RGS7: variants seen among roughly 807,000 people sequenced by gnomAD.
The protein encoded by RGS7 is regulator of G protein signaling 7.
In RGS7, 27 loss-of-function variants were observed where a neutral mutation model predicts 81.1. The observed-to-expected ratio is 0.33, with a 90% CI of 0.25 to 0.46. The LOEUF (loss-of-function observed/expected upper bound fraction) is 0.46. Ranked by LOEUF, RGS7 falls within the 20% of genes least tolerant of loss-of-function variation. RGS7 has a pLI of 1.00. For synonymous variants in RGS7, 208 were observed against 207.7 expected (o/e 1.00, Z -0.01); for missense variants, 396 against 607.4 (o/e 0.65, Z 3.66).
At chr1:240,844,275 C>T (rs2147895514) in intron 9 of RGS7, among the ~76,000 whole-genome samples, 1 of 152,200 alleles carries the variant, frequency 6.6e-6, no homozygotes, top group East Asian at 1.9e-4. Flanking sequence ...GGGTTAGATG[C>T]TCCCCTTCCC....
At chr1:241,131,885 G>A (rs189294273) in intron 2 of RGS7, among the ~76,000 whole-genome samples, 18 of 152,266 alleles carry the variant, frequency 1.2e-4, no homozygotes, top group Admixed American at 5.9e-4. Flanking sequence ...AAGACATTTC[G>A]TTAATGGTCT....
intron 2 of RGS7, among the ~76,000 whole-genome samples, chr1:241,155,739 G>A (rs2069077724): frequency 3.3e-5 from 5 of 151,856 alleles, no homozygotes; most frequent in Admixed American, 3.3e-4. Context: ...AAAAAAATAT[G>A]GAAAACAAAC....
intron 9 of RGS7, among the ~76,000 whole-genome samples, chr1:240,848,346 A>G (rs946057038): frequency 6.6e-6 from 1 of 152,188 alleles, no homozygotes; most frequent in African/African-American, 2.4e-5. Context: ...TCCTATTGTT[A>G]TCTTACATGA....
At chr1:240,952,505 T>A (rs1227164014) in intron 4 of RGS7, among the ~76,000 whole-genome samples, 9 of 151,872 alleles carry the variant, frequency 5.9e-5, no homozygotes, top group Admixed American at 5.9e-4. Flanking sequence ...ATAAGTACAA[T>A]TGATATGCTA....
At chr1:241,229,836 T>C (rs1304495729) in intron 2 of RGS7, among the ~76,000 whole-genome samples, 1 of 152,204 alleles carries the variant, frequency 6.6e-6, no homozygotes, top group African/African-American at 2.4e-5. Flanking sequence ...TTCATAAAAC[T>C]TATCTATGAA....
chr1:241,173,520 C>T (rs1237235168), intron 2 of RGS7, among the ~76,000 whole-genome samples: 1 of 152,146 alleles, frequency 6.6e-6, no homozygotes, highest in Non-Finnish European at 1.5e-5. Flanking sequence ...CACGGTGGCT[C>T]ATACCTGTAA....
At chr1:241,269,425 CA>C (rs1166258459) in intron 2 of RGS7, among the ~76,000 whole-genome samples, 1 of 152,230 alleles carries the variant, frequency 6.6e-6, no homozygotes, top group African/African-American at 2.4e-5. Flanking sequence ...GGCCCTCGAG[CA>C]AGGCCTCCTG....
At chr1:240,985,731 T>C (rs1287813339) in intron 3 of RGS7, among the ~76,000 whole-genome samples, 1 of 152,048 alleles carries the variant, frequency 6.6e-6, no homozygotes, top group Non-Finnish European at 1.5e-5. Flanking sequence ...TGTTAACCTA[T>C]GCTCCATCTG....
intron 10 of RGS7, among the ~76,000 whole-genome samples, chr1:240,825,640 A>G (rs904353373): frequency 2.6e-5 from 4 of 152,234 alleles, no homozygotes; most frequent in Non-Finnish European, 1.5e-5. Flanking sequence ...CTAGATCTCA[A>G]TGACTCTGTT....
chr1:241,259,667 A>AAAAAAAATATAT, intron 2 of RGS7, among the ~76,000 whole-genome samples: 29 of 49,122 alleles, frequency 5.9e-4, no homozygotes, highest in East Asian at 1.2e-3. Context: ...AAAAAAAAAA[A>AAAAAAAATATAT]ATATATATAT....
intron 18 of RGS7, among the ~76,000 whole-genome samples, chr1:240,795,890 A>G (rs12049199): frequency 0.69 from 104,716 of 152,060 alleles, 36,335 homozygotes; most frequent in African/African-American, 0.73. Context: ...AGAGAGGGTC[A>G]TCTAGAGGTG....
At chr1:241,192,173 T>G (rs943335721) in intron 2 of RGS7, among the ~76,000 whole-genome samples, 20 of 146,270 alleles carry the variant, frequency 1.4e-4, no homozygotes, top group African/African-American at 4.7e-4. Flanking sequence ...TGTGTGTGTG[T>G]GTGTGTGTGT....
intron 3 of RGS7, among the ~76,000 whole-genome samples, chr1:241,050,286 A>G (rs1021357912): frequency 2.0e-5 from 3 of 151,972 alleles, no homozygotes; most frequent in African/African-American, 7.3e-5. Flanking sequence ...GTGTGAATAG[A>G]GCTTGGGCAT....
At chr1:241,310,456 TGTGA>T (rs1009924399) in intron 2 of RGS7, among the ~76,000 whole-genome samples, 10 of 106,274 alleles carry the variant, frequency 9.4e-5, no homozygotes, top group Non-Finnish European at 1.3e-4. Flanking sequence ...AGTGTGTGTG[TGTGA>T]GAGTGTGTGT....
chr1:241,218,581 CT>C (rs1231672927), intron 2 of RGS7, among the ~76,000 whole-genome samples: 1 of 152,188 alleles, frequency 6.6e-6, no homozygotes, highest in Non-Finnish European at 1.5e-5. Context: ...GCTCTGGGTC[CT>C]TTCCCCTTCC....
intron 2 of RGS7, among the ~76,000 whole-genome samples, chr1:241,272,738 A>AT (rs1285612268): frequency 6.6e-6 from 1 of 151,690 alleles, no homozygotes; most frequent in African/African-American, 2.4e-5. Flanking sequence ...AGCCTTTTTC[A>AT]TTTTTTCACT....
intron 2 of RGS7, among the ~76,000 whole-genome samples, chr1:241,157,821 C>CTTTTTTTTTT (rs67249227): frequency 7.4e-5 from 7 of 94,702 alleles, no homozygotes; most frequent in Non-Finnish European, 9.0e-5. Flanking sequence ...CTTTTCTTTT[C>CTTTTTTTTTT]TTTTTTTTTT....
chr1:240,891,584 A>T (rs1668299590), intron 6 of RGS7, among the ~76,000 whole-genome samples: 1 of 152,214 alleles, frequency 6.6e-6, no homozygotes, highest in Admixed American at 6.5e-5. Flanking sequence ...AGCTAAATGC[A>T]TTCATTCAGT....
At chr1:241,333,133 T>A (rs552870874) in intron 2 of RGS7, among the ~76,000 whole-genome samples, 3 of 152,316 alleles carry the variant, frequency 2.0e-5, no homozygotes, top group African/African-American at 4.8e-5. Flanking sequence ...CAAAAGCAGA[T>A]CAATAGAGAG....
Sources: allele counts gnomAD v4.1 joint callset (sites outside exome capture counted in the v4.1 genomes callset), GRCh38; gene constraint gnomAD v4.1.1; transcripts MANE v1.5; gene names NCBI Gene and HGNC (gene_info 2026-07-23, HGNC 2026-07-21).